DPH6: variants seen among roughly 807,000 people sequenced by gnomAD.
DPH6 encodes diphthine--ammonia ligase.
A neutral mutation model predicts 38.2 loss-of-function variants in DPH6; 33 were observed. That is an observed-to-expected ratio of 0.86 (90% confidence interval 0.65 to 1.15). DPH6 has a LOEUF of 1.15. DPH6 is among the 50% of genes most tolerant of loss of function. The probability of loss-of-function intolerance (pLI) is 0.00; values close to 1 mark genes in which losing one functional copy is unlikely to be tolerated. For synonymous variants in DPH6, 108 were observed against 103.0 expected, an observed-to-expected ratio of 1.05 and a Z score of -0.30; for missense variants, 325 against 320.0, an observed-to-expected ratio of 1.02 and a Z score of -0.12.
the DPH6 span, among the ~76,000 whole-genome samples, chr15:35,174,261 G>A: frequency 1.3e-5 from 2 of 152,056 alleles, no homozygotes; most frequent in Non-Finnish European, 1.5e-5. Context: ...TTGAAGCCAC[G>A]GAAAACTTGC....
chr15:35,312,770 A>T (rs1203767761), intron 3 of DPH6, among the ~76,000 whole-genome samples: 2 of 152,204 alleles, frequency 1.3e-5, no homozygotes, highest in African/African-American at 4.8e-5. Context: ...CATTCATTGG[A>T]GAGACTGTCC....
the DPH6 span, among the ~76,000 whole-genome samples, chr15:35,152,779 G>A: frequency 6.6e-6 from 1 of 152,234 alleles, no homozygotes; most frequent in Non-Finnish European, 1.5e-5. Flanking sequence ...GATTACAGGT[G>A]TGAGCCACTC....
intron 5 of DPH6, among the ~76,000 whole-genome samples, chr15:35,434,807 CTT>C (rs1335134972): frequency 2.6e-5 from 4 of 152,132 alleles, no homozygotes; most frequent in Non-Finnish European, 5.9e-5. Context: ...GAGTCTCACT[CTT>C]GTCGCCCAGG....
At chr15:35,495,131 T>C (rs994009420) in intron 3 of DPH6, among the ~76,000 whole-genome samples, 10 of 152,192 alleles carry the variant, frequency 6.6e-5, no homozygotes, top group Non-Finnish European at 1.3e-4. Flanking sequence ...TCAAAATTCA[T>C]ATGTTGAAGT....
intron 3 of DPH6, among the ~76,000 whole-genome samples, chr15:35,502,302 T>C (rs578209776): frequency 6.6e-6 from 1 of 151,940 alleles, no homozygotes; most frequent in Admixed American, 6.6e-5. Flanking sequence ...TTATAAGTGT[T>C]AAAATTTTCT....
intron 3 of DPH6, among the ~76,000 whole-genome samples, chr15:35,474,107 G>GAC (rs1212963184): frequency 1.3e-5 from 2 of 152,168 alleles, no homozygotes; most frequent in Non-Finnish European, 2.9e-5. Context: ...TGAACCAAGT[G>GAC]ACTGTGTTGC....
intron 5 of DPH6, among the ~76,000 whole-genome samples, chr15:35,425,810 C>CG (rs2053563099): frequency 3.6e-4 from 51 of 142,032 alleles, no homozygotes; most frequent in African/African-American, 1.3e-3. Context: ...TATGACATGA[C>CG]ATATATATAT....
chr15:35,337,558 C>T lies in DPH6; in HGVS notation n.208-6481G>A, dbSNP rs145043946. On this transcript the variant is annotated intron_variant and non_coding_transcript_variant, in intron 3 of 3. Coordinates refer to the DPH6 transcript ENST00000558973. ...GATACAAACAAATGGAAGAATATTCCATGCTCATGGGTAGGAGGAATCAAT... is the reference window on the plus strand; with the variant it reads ...GATACAAACAAATGGAAGAATATTCTATGCTCATGGGTAGGAGGAATCAAT... Among the ~76,000 whole-genome samples, 12 of 152,134 alleles carry T rather than the reference C, an allele frequency of 7.9e-5. No homozygotes were observed. In the East Asian group the frequency reaches 1.9e-3, roughly 25 times the overall value.
At chr15:35,167,260 G>A in the DPH6 span, among the ~76,000 whole-genome samples, 3 of 151,870 alleles carry the variant, frequency 2.0e-5, no homozygotes, top group East Asian at 5.8e-4. Context: ...AACTTGCATT[G>A]GTACAATTCC....
intron 3 of DPH6, among the ~76,000 whole-genome samples, chr15:35,513,396 A>G (rs2054801614): frequency 6.6e-6 from 1 of 152,060 alleles, no homozygotes; most frequent in South Asian, 2.1e-4. Context: ...ATGTGCACCT[A>G]TAAGAGAAGT....
intron 3 of DPH6, among the ~76,000 whole-genome samples, chr15:35,354,438 A>G (rs2052542238): frequency 6.6e-6 from 1 of 152,152 alleles, no homozygotes; most frequent in African/African-American, 2.4e-5. Flanking sequence ...AGCTCTTATT[A>G]TTTTGAGATA....
chr15:35,507,286 AT>A (rs1472722134), intron 3 of DPH6, among the ~76,000 whole-genome samples: 1 of 152,074 alleles, frequency 6.6e-6, no homozygotes, highest in South Asian at 2.1e-4. Context: ...TGTTAAAAGT[AT>A]TTTTTAAGCA....
In DPH6 at chr15:35,538,401, G is replaced by C; in HGVS notation, c.185C>G (p.Ala62Gly). 6.2e-7 allele frequency: 1 copy of C among 1,608,934 alleles called. No individual in the cohort carries two copies. The highest frequency in any genetic ancestry group is 8.5e-7 in the Non-Finnish European group (1 of 1,176,302). Residue 62 changes from alanine (A) to glycine (G), a missense_variant, in exon 3 of 9, where the codon GCA becomes GGA. Ala to Gly is a moderately conservative substitution (Grantham distance 60). Coordinates refer to ENST00000256538, the MANE Select transcript of DPH6 (RefSeq NM_080650.4). Reference sequence around the variant, plus strand: ...ATAGAGGGGAAGAGCCATTGCTTCTGCATACAAGTCAATGGCATGGTGCCC... The same window carrying C: ...ATAGAGGGGAAGAGCCATTGCTTCTCCATACAAGTCAATGGCATGGTGCCC... ...TVGHHAIDLY[A>G]EAMALPLYRR...
At chr15:35,426,811 G>GAT (rs1423936115) in intron 5 of DPH6, among the ~76,000 whole-genome samples, 4 of 150,502 alleles carry the variant, frequency 2.7e-5, no homozygotes, top group Non-Finnish European at 4.4e-5. Flanking sequence ...GGCCATGAGA[G>GAT]ATATATATAC....
At chr15:35,167,666 A>C in the DPH6 span, among the ~76,000 whole-genome samples, 8 of 151,996 alleles carry the variant, frequency 5.3e-5, no homozygotes, top group Non-Finnish European at 1.0e-4. Flanking sequence ...AGATAGTTTA[A>C]TAGAATGAAC....
chr15:35,436,247 A>C (rs550387063), intron 5 of DPH6, among the ~76,000 whole-genome samples: 6 of 151,768 alleles, frequency 4.0e-5, no homozygotes, highest in African/African-American at 9.7e-5. Flanking sequence ...CAGGCGGATC[A>C]CGAGGTCAGG....
intron 5 of DPH6, among the ~76,000 whole-genome samples, chr15:35,437,304 G>T (rs997971744): frequency 6.6e-6 from 1 of 152,122 alleles, no homozygotes; most frequent in Non-Finnish European, 1.5e-5. Flanking sequence ...TGAAAAAAAT[G>T]TCTTCTTTTT....
chr15:35,207,412 C>T, the DPH6 span, among the ~76,000 whole-genome samples: 1 of 152,136 alleles, frequency 6.6e-6, no homozygotes, highest in Non-Finnish European at 1.5e-5. Context: ...AATATTGTGT[C>T]AGTCCTGTAC....
intron 3 of DPH6, among the ~76,000 whole-genome samples, chr15:35,496,567 A>AAAAAAAATATATATAT: frequency 3.2e-5 from 1 of 31,016 alleles, no homozygotes; most frequent in Non-Finnish European, 5.3e-5. Context: ...AAAAAAAAAA[A>AAAAAAAATATATATAT]ATATATATAT....
Sources: gnomAD v4.1 joint callset for allele counts (sites outside exome capture counted in the v4.1 genomes callset) on GRCh38, gnomAD v4.1.1 for gene constraint, MANE v1.5 for transcripts, NCBI Gene and HGNC (gene_info 2026-07-23, HGNC 2026-07-21) for gene names.